KMT2D: variants seen among roughly 807,000 people sequenced by gnomAD.
KMT2D encodes lysine methyltransferase 2D.
KMT2D carries 55 observed loss-of-function variants against 512.7 expected under a neutral mutation model. The ratio of observed to expected loss-of-function variants is 0.11; its 90% CI spans 0.09 to 0.13. KMT2D has a LOEUF of 0.13. KMT2D is among the 10% of genes least tolerant of loss of function. The probability of loss-of-function intolerance (pLI) is 1.00; values close to 1 mark genes in which losing one functional copy is unlikely to be tolerated. For synonymous variants in KMT2D, 2,995 were observed against 2,904.0 expected, an observed-to-expected ratio of 1.03 and a Z score of -1.01; for missense variants, 6,061 against 7,127.9, an observed-to-expected ratio of 0.85 and a Z score of 5.39.
intron 1 of KMT2D, 130 bp from the exon 2 acceptor site, chr12:49,055,491 C>CCTG: frequency 5.0e-6 from 3 of 602,944 alleles, no homozygotes; most frequent in South Asian, 2.2e-5. Flanking sequence ...AACTCCTATA[C>CCTG]TGACAAGAAA....
rs371474793 is a variant in KMT2D, at chr12:49,040,924, C to T, written c.6846G>A (p.Arg2282=). The change falls in exon 32 of 55, where the codon CGG becomes CGA. Residue 2282 remains arginine, a synonymous_variant. Coordinates refer to ENST00000301067, the MANE Select transcript of KMT2D (RefSeq NM_003482.4). Reference sequence around the variant, plus strand: ...CTTCCTTCTTCACCTCTAGGGCCTTCCGGGACTCCCCAAAAGGTGGGGGCG... The same window carrying T: ...CTTCCTTCTTCACCTCTAGGGCCTTTCGGGACTCCCCAAAAGGTGGGGGCG... ...LLSPPPFGES[R]KALEVKKEEL... The T allele has an allele frequency of 6.2e-7, 1 of 1,613,746 alleles. No homozygotes were observed.
In KMT2D at chr12:49,022,362, G is replaced by A. The variant is rs2137705231; in HGVS notation, c.16339-9C>T. The A allele has an allele frequency of 6.3e-7, 1 of 1,598,794 alleles. No individual in the cohort carries two copies. The highest frequency in any genetic ancestry group is 8.5e-7 in the Non-Finnish European group (1 of 1,172,070). On this transcript the variant is annotated splice_polypyrimidine_tract_variant and intron_variant, in intron 52 of 54. Transcript: ENST00000301067. The surrounding 1 kb of genome is among the most constrained non-coding windows in gnomAD (Gnocchi z 8.6). The stretch of plus-strand genomic sequence containing the variant: ...ATGTAGATGCCTCGATTCTAGAAAG[G>A]CAGAGGTTGCAGAAGAAGGGACAAG...
rs1938692764 is a variant in KMT2D, at chr12:49,060,580, C to A, written c.-1005G>T. Reference sequence around the variant, plus strand: ...AACCGGAGAGGAAAGTAGTGCAGCGCGGCGCCGCTCCGCCTCCCCCCCTCC... The same window carrying A: ...AACCGGAGAGGAAAGTAGTGCAGCGAGGCGCCGCTCCGCCTCCCCCCCTCC... On this transcript the variant is annotated 5_prime_UTR_variant, in exon 1 of 55. Transcript: ENST00000301067. Among the ~76,000 whole-genome samples the A allele has an allele frequency of 6.6e-6, 1 of 152,112 alleles. No homozygotes were observed. Among genetic ancestry groups the A allele is most frequent in the South Asian group, 2.1e-4 (1 of 4,830 alleles).
At chr12:49,025,405 G>A (rs1466404223) in intron 49 of KMT2D, among the ~76,000 whole-genome samples, 1 of 152,186 alleles carries the variant, frequency 6.6e-6, no homozygotes, top group African/African-American at 2.4e-5. Flanking sequence ...TCTATGTCTA[G>A]ATGCACATAC....
rs577404022 is a variant in KMT2D at position 49,039,015 on chromosome 12, G to C, written c.8367-26C>G. ...CTGGAAGAATATACAGTAGTCAGTAGGATGAAATCAGATGAAAAGGAGCAA... is the reference window on the plus strand; with the variant it reads ...CTGGAAGAATATACAGTAGTCAGTACGATGAAATCAGATGAAAAGGAGCAA... On this transcript the variant is annotated intron_variant, in intron 34 of 54. Transcript: ENST00000301067. This position sits in a 1 kb window ranked among gnomAD's most constrained non-coding sequence, Gnocchi z 5.0. The C allele has an allele frequency of 1.5e-4, 240 of 1,551,588 alleles. 3 individuals carry two copies. In the South Asian group the frequency reaches 2.6e-3, roughly 17 times the overall value.
At position 49,040,176 on chromosome 12, in the gene KMT2D, A is replaced by C; in HGVS notation, c.7594T>G (p.Ser2532Ala). 1 of 1,613,680 alleles carries C rather than the reference A, an allele frequency of 6.2e-7. No individual in the cohort carries two copies. The highest frequency in any genetic ancestry group is 1.6e-4 in the Middle Eastern group (1 of 6,062). Reference sequence around the variant, plus strand: ...TGAGGGAAAGTGAAACGCATGGGAGAGGGGGTGCCCACAAATGCACCCGTC... The same window carrying C: ...TGAGGGAAAGTGAAACGCATGGGAGCGGGGGTGCCCACAAATGCACCCGTC... The part of the protein sequence containing the change: ...PGTGAFVGTP[S>A]PMRFTFPQAV... Residue 2532 changes from serine (S) to alanine (A), a missense_variant, in exon 32 of 55, where the codon TCT (serine) becomes GCT (alanine). Ser to Ala is a moderately conservative substitution (Grantham distance 99, BLOSUM62 1). Transcript: ENST00000301067.
In KMT2D at chr12:49,033,645, C is replaced by T; in HGVS notation, c.11060G>A (p.Gly3687Asp). Reference protein sequence around the residue: ...LAQQQQQQHSGGAGSLAGPSG... With the variant: ...LAQQQQQQHSDGAGSLAGPSG... ...AGGGCCAGCCAGGGATCCAGCCCCA[C>T]CAGAATGTTGCTGTTGCTGCTGTTG... The change falls in exon 40 of 55, where the codon GGT becomes GAT. Residue 3687 changes from glycine (G) to aspartate (D), a missense_variant. By Grantham distance (94) the Gly-to-Asp change is moderately conservative. This residue lies in a region of KMT2D where 1,600 missense variants were observed against 1,754.9 expected (regional missense o/e 0.91). Transcript: ENST00000301067. The T allele has an allele frequency of 6.2e-7, 1 of 1,613,764 alleles. No individual in the cohort carries two copies. Among genetic ancestry groups the T allele is most frequent in the African/African-American group, 1.3e-5 (1 of 75,032 alleles).
chr12:49,031,992 C>T lies in KMT2D; in HGVS notation c.12713G>A (p.Arg4238His), dbSNP rs769256800. ...QRQLQQSQAV[R>H]QTPPYQEPGT... ...AGGCTCCTGGTAGGGTGGGGTCTGGCGTACTGCCTGACTCTGCTGCAGCTG... is the reference window on the plus strand; with the variant it reads ...AGGCTCCTGGTAGGGTGGGGTCTGGTGTACTGCCTGACTCTGCTGCAGCTG... The change falls in exon 40 of 55, where the codon CGC becomes CAC. Residue 4238 changes from arginine to histidine, a missense_variant. Around this residue, in one of 16 missense-constraint regions of KMT2D, gnomAD observed 1,600 missense variants for 1,754.9 expected, o/e 0.91. Coordinates refer to ENST00000301067, the MANE Select transcript of KMT2D (RefSeq NM_003482.4). 1.7e-5 allele frequency: 27 copies of T among 1,593,094 alleles called. No homozygotes were observed. The highest frequency in any genetic ancestry group is 5.1e-5 in the Admixed American group (3 of 58,866).
chr12:49,045,701 G>T, intron 19 of KMT2D, among the ~76,000 whole-genome samples: 1 of 151,954 alleles, frequency 6.6e-6, no homozygotes, highest in Non-Finnish European at 1.5e-5. Flanking sequence ...AGAGACCATG[G>T]TGCCTGATGA....
In KMT2D at chr12:49,060,693, C is replaced by G. The variant is rs929224116; in HGVS notation, c.-1118G>C. Among the ~76,000 whole-genome samples the G allele has an allele frequency of 6.6e-5, 10 of 152,222 alleles. No homozygotes were observed. Among genetic ancestry groups the G allele is most frequent in the African/African-American group, 2.4e-4 (10 of 41,466 alleles). On this transcript the variant is annotated 5_prime_UTR_variant, in exon 1 of 55. Coordinates refer to ENST00000301067, the MANE Select transcript of KMT2D (RefSeq NM_003482.4). Reference sequence around the variant, plus strand: ...GCAGCGGTCGTGAAGATTCGTGAAGCCTTCGGCGCTAGATCCGGGGGGGCC... The same window carrying G: ...GCAGCGGTCGTGAAGATTCGTGAAGGCTTCGGCGCTAGATCCGGGGGGGCC...
Position 49,020,741 on chromosome 12 carries a change from C to A in KMT2D, c.*1039G>T. 4.8e-6 allele frequency: 1 copy of A among 210,466 alleles called. No individual in the cohort carries two copies. The highest frequency in any genetic ancestry group is 9.7e-6 in the Non-Finnish European group (1 of 103,274). 13.0% of individuals were successfully genotyped at this position (210,466 alleles called of 1,614,324 possible). ...TCAGGGATAGCCCTCACCCTACCCC[C>A]CACCCAACCCGTCCAGGGGCTGGAG... On this transcript the variant is annotated 3_prime_UTR_variant, in exon 55 of 55. Transcript: ENST00000301067.
rs1188673812 is a variant in KMT2D at position 49,033,521 on chromosome 12, C to T, written c.11184G>A (p.Met3728Ile). Residue 3728 changes from methionine to isoleucine, a missense_variant, in exon 40 of 55, where the codon ATG becomes ATA. By Grantham distance (10) the Met-to-Ile change is conservative. This residue lies in a region of KMT2D where 1,600 missense variants were observed against 1,754.9 expected (regional missense o/e 0.91). Transcript: ENST00000301067. ...ERQLQLQQQR[M>I]QLAQKLQQQQ... Reference sequence around the variant, plus strand: ...GCTGCTGCAGTTTCTGGGCCAGCTGCATACGTTGCTGCTGCAGCTGCAGCT... The same window carrying T: ...GCTGCTGCAGTTTCTGGGCCAGCTGTATACGTTGCTGCTGCAGCTGCAGCT... 3 of 1,613,526 alleles carry T rather than the reference C, an allele frequency of 1.9e-6. No individual in the cohort carries two copies. Among genetic ancestry groups the T allele is most frequent in the South Asian group, 1.1e-5 (1 of 91,074 alleles).
At position 49,050,452 on chromosome 12, in the gene KMT2D, CAGG is replaced by C; in HGVS notation, c.3133_3135del (p.Pro1045del). On this transcript the variant is annotated inframe_deletion, in exon 12 of 55. Transcript: ENST00000301067. The stretch of plus-strand genomic sequence containing the variant: ...GGGGAGGGAACGGACAGTGGTAGGG[CAGG>C]AGGAGAGCACTGGGAAGGAGGGGAG... The C allele has an allele frequency of 6.2e-7, 1 of 1,613,868 alleles. No individual in the cohort carries two copies. Among genetic ancestry groups the C allele is most frequent in the Non-Finnish European group, 8.5e-7 (1 of 1,179,816 alleles).
chr12:49,044,669 AG>A lies in KMT2D; in HGVS notation c.4963+74del. 6.5e-7 allele frequency: 1 copy of A among 1,548,240 alleles called. No individual in the cohort carries two copies. Among genetic ancestry groups the A allele is most frequent in the South Asian group, 1.2e-5 (1 of 86,676 alleles). On this transcript the variant is annotated intron_variant, in intron 20 of 54. Coordinates refer to ENST00000301067, the MANE Select transcript of KMT2D (RefSeq NM_003482.4). This position sits in a 1 kb window ranked among gnomAD's most constrained non-coding sequence, Gnocchi z 6.4. ...CTTAAGGGTAACTGAGTGGCAATGT[AG>A]CCCCCACCCAACATCCCACTCCCAG... is the stretch of plus-strand genomic sequence containing the variant.
In KMT2D at chr12:49,054,812, C is replaced by G; in HGVS notation, c.177-61G>C. Reference sequence around the variant, plus strand: ...CCCAGCAACCCCATGATCTGGCATGCCCATGCTTCCCCAACACTCATTTTC... The same window carrying G: ...CCCAGCAACCCCATGATCTGGCATGGCCATGCTTCCCCAACACTCATTTTC... On this transcript the variant is annotated intron_variant, in intron 3 of 54. Transcript: ENST00000301067. The surrounding 1 kb of genome is among the most constrained non-coding windows in gnomAD (Gnocchi z 6.4). 2.5e-6 allele frequency: 4 copies of G among 1,603,958 alleles called. No homozygotes were observed. Among genetic ancestry groups the G allele is most frequent in the Non-Finnish European group, 2.6e-6 (3 of 1,172,000 alleles).
At chr12:49,045,561 G>A (rs1483700512) in intron 19 of KMT2D, among the ~76,000 whole-genome samples, 3 of 151,238 alleles carry the variant, frequency 2.0e-5, no homozygotes, top group South Asian at 2.1e-4. Context: ...GGAGAATGGC[G>A]TGAACCCGGG....
rs2120370322 is a variant in KMT2D at position 49,027,251 on chromosome 12, C to T, written c.14715G>A (p.Gln4905=). The change falls in exon 49 of 55, where the codon CAG becomes CAA. Residue 4905 remains glutamine (Q), a synonymous_variant. Transcript: ENST00000301067. ...TYNVSNLDVR[Q]LSAPPPEEPS... ...GTTCTTCAGGAGGTGGGGCCGAGAG[C>T]TGTCGCACATCCAGATTGGAGACAT... The T allele has an allele frequency of 1.3e-6, 2 of 1,553,232 alleles. No homozygotes were observed. The highest frequency in any genetic ancestry group is 8.7e-7 in the Non-Finnish European group (1 of 1,153,078).
In KMT2D at chr12:49,037,635, C is replaced by T; in HGVS notation, c.9721G>A (p.Val3241Ile). 1 of 1,569,610 alleles carries T rather than the reference C, an allele frequency of 6.4e-7. No individual in the cohort carries two copies. The highest frequency in any genetic ancestry group is 1.9e-5 in the Admixed American group (1 of 53,282). ...DELDKMESSL[V>I]ASELPLLIED... ...ATGAGCAGGGGTAACTCGCTGGCTA[C>T]CAGTGAGCTCTCCATCTTGTCTAGC... Residue 3241 changes from valine to isoleucine, a missense_variant, in exon 35 of 55, where the codon GTA becomes ATA. This residue lies in a region of KMT2D where 533 missense variants were observed against 539.6 expected (regional missense o/e 0.99). Coordinates refer to ENST00000301067, the MANE Select transcript of KMT2D (RefSeq NM_003482.4).
intron 13 of KMT2D, 147 bp from the exon 14 acceptor site, chr12:49,048,916 C>A: frequency 1.4e-6 from 1 of 703,596 alleles, no homozygotes; most frequent in Non-Finnish European, 2.5e-6. Context: ...CACCCCAGCT[C>A]CCAAATTGAG....
Sources: allele counts gnomAD v4.1 joint callset (sites outside exome capture counted in the v4.1 genomes callset), GRCh38; gene constraint gnomAD v4.1.1; regional missense constraint gnomAD v4.1.1; non-coding constraint Gnocchi (gnomAD v3.1); transcripts MANE v1.5; gene names NCBI Gene and HGNC (gene_info 2026-07-23, HGNC 2026-07-21).